FRAS1: variants seen among roughly 807,000 people sequenced by gnomAD.
FRAS1 encodes Fraser extracellular matrix complex subunit 1, also known as extracellular matrix organizing protein FRAS1.
In FRAS1, 290 loss-of-function variants were observed where a neutral mutation model predicts 435.2. The observed-to-expected ratio is 0.67, with a 90% CI of 0.61 to 0.73. The LOEUF is 0.73. Ranked by LOEUF, FRAS1 falls within the 30% of genes least tolerant of loss-of-function variation. The pLI, the probability that FRAS1 is intolerant of heterozygous loss-of-function variation, is 0.00. For missense variants in FRAS1, 4,860 were observed against 5,001.5 expected (o/e 0.97, Z 0.85); for synonymous variants, 1,800 against 1,851.0 (o/e 0.97, Z 0.71).
In FRAS1 at chr4:78,440,773, C is replaced by T. The variant is rs375771230; in HGVS notation, c.5530-389C>T. The stretch of plus-strand genomic sequence containing the variant: ...AGGACACAGTCACCCTCACAGTATC[C>T]GCAGGAGAACTGGATCTATCATTCT... On this transcript the variant is annotated intron_variant, in intron 40 of 73. Transcript: ENST00000512123. Among the ~76,000 whole-genome samples, 8 of 152,224 alleles carry T rather than the reference C, an allele frequency of 5.3e-5. No homozygotes were observed. The East Asian group carries it at 1.2e-3, about 22-fold the overall frequency.
intron 15 of FRAS1, among the ~76,000 whole-genome samples, chr4:78,308,519 G>A (rs892261836): frequency 2.0e-5 from 3 of 152,180 alleles, no homozygotes; most frequent in Non-Finnish European, 2.9e-5. Context: ...TCCCACCCAG[G>A]CTTTCCTTTC....
chr4:78,294,882 A>T (rs1315016801), intron 14 of FRAS1, among the ~76,000 whole-genome samples: 1 of 152,238 alleles, frequency 6.6e-6, no homozygotes, highest in Non-Finnish European at 1.5e-5. Flanking sequence ...TCAATAAAAT[A>T]TAAGGTATAA....
intron 9 of FRAS1, among the ~76,000 whole-genome samples, chr4:78,274,540 A>G (rs1292666692): frequency 1.3e-5 from 2 of 152,164 alleles, no homozygotes; most frequent in African/African-American, 4.8e-5. Context: ...GTTTCGAAGA[A>G]CATCTTTATT....
At chr4:78,118,866 G>C (rs1718834300) in intron 2 of FRAS1, among the ~76,000 whole-genome samples, 1 of 152,154 alleles carries the variant, frequency 6.6e-6, no homozygotes, top group Admixed American at 6.5e-5. Context: ...GATGCACCCA[G>C]TACCTCAGTT....
At chr4:78,243,708 A>G (rs1377888005) in intron 3 of FRAS1, among the ~76,000 whole-genome samples, 1 of 152,094 alleles carries the variant, frequency 6.6e-6, no homozygotes, top group Non-Finnish European at 1.5e-5. Context: ...ACACACACAC[A>G]TACATATTAT....
At position 78,120,873 on chromosome 4, in the gene FRAS1, T is replaced by C. The variant is rs534289967; in HGVS notation, c.108+54857T>C. 1.7e-3 allele frequency among the ~76,000 whole-genome samples: 261 copies of C among 152,266 alleles called. 3 individuals are homozygous for C. The highest frequency in any genetic ancestry group is 5.6e-4 in the Non-Finnish European group (38 of 68,020). On this transcript the variant is annotated intron_variant, in intron 2 of 73. Coordinates refer to ENST00000512123, the MANE Select transcript of FRAS1 (RefSeq NM_025074.7). ...TAGGTTTGGACCAAATCTGGAGTAG[T>C]GATACAGGTGGGGGGGATGGAGTTA...
At chr4:78,277,284 C>T (rs1237432592) in intron 9 of FRAS1, among the ~76,000 whole-genome samples, 1 of 152,184 alleles carries the variant, frequency 6.6e-6, no homozygotes, top group Non-Finnish European at 1.5e-5. Context: ...ATGCCTTGCC[C>T]TGCTTCGGCT....
chr4:78,278,853 G>GAA, intron 10 of FRAS1, 109 bp downstream of exon 10: 1 of 704,234 alleles, frequency 1.4e-6, no homozygotes, highest in Non-Finnish European at 2.5e-6. Flanking sequence ...TTCAACAAAT[G>GAA]TTATTGTGCA....
chr4:78,149,061 A>G (rs892080249), intron 2 of FRAS1, among the ~76,000 whole-genome samples: 1 of 152,184 alleles, frequency 6.6e-6, no homozygotes, highest in Non-Finnish European at 1.5e-5. Context: ...ATAAAGCAAC[A>G]GACTTGGAAC....
chr4:78,502,202 C>A (rs954620993), intron 61 of FRAS1, among the ~76,000 whole-genome samples: 1 of 152,252 alleles, frequency 6.6e-6, no homozygotes, highest in Admixed American at 6.5e-5. Flanking sequence ...GCAATGAGGG[C>A]TCTTTTTTGG....
intron 2 of FRAS1, among the ~76,000 whole-genome samples, chr4:78,203,788 G>A (rs372469174): frequency 4.6e-5 from 7 of 152,000 alleles, no homozygotes; most frequent in East Asian, 1.9e-4. Context: ...GGCTGGTCTC[G>A]AACTCCTGAC....
At chr4:78,231,090 G>T (rs779622785) in intron 2 of FRAS1, among the ~76,000 whole-genome samples, 1 of 152,056 alleles carries the variant, frequency 6.6e-6, no homozygotes, top group Non-Finnish European at 1.5e-5. Context: ...GAGTAGCTGG[G>T]ATTACAGGCG....
chr4:78,109,082 G>A (rs1742549238), intron 2 of FRAS1, among the ~76,000 whole-genome samples: 1 of 63,004 alleles, frequency 1.6e-5, no homozygotes, highest in Non-Finnish European at 3.0e-5. Flanking sequence ...ACCAATAACA[G>A]GCTCTGAAAT....
chr4:78,204,333 T>A (rs1405326449), intron 2 of FRAS1, among the ~76,000 whole-genome samples: 2 of 152,188 alleles, frequency 1.3e-5, no homozygotes, highest in African/African-American at 4.8e-5. Flanking sequence ...TAGCTAAACA[T>A]CTGTACAATG....
In FRAS1 at chr4:78,281,408, A is replaced by G. The variant is rs540741094; in HGVS notation, c.1082A>G (p.Asn361Ser). Residue 361 changes from asparagine to serine, a missense_variant, in exon 11 of 74, where the codon AAT (asparagine) becomes AGT (serine). Physicochemically the swap from Asn to Ser is conservative, Grantham distance 46. Coordinates refer to ENST00000512123, the MANE Select transcript of FRAS1 (RefSeq NM_025074.7). ...TCTCTTTGTTCCTAGATGTCATCAA[A>G]TGCTAGTGAAGTTAAACGTATTCCA... ...YEETGEFMSSNASEVKRIPEG... is the reference protein window; with the variant it reads ...YEETGEFMSSSASEVKRIPEG... The G allele has an allele frequency of 4.4e-6, 7 of 1,576,362 alleles. No homozygotes were observed. In the East Asian group the frequency reaches 1.4e-4, roughly 31 times the overall value.
At chr4:78,533,633 C>T (rs1721793074) in intron 70 of FRAS1, among the ~76,000 whole-genome samples, 2 of 152,196 alleles carry the variant, frequency 1.3e-5, no homozygotes, top group South Asian at 4.1e-4. Flanking sequence ...AATAGTGACT[C>T]CAGGGAGAAC....
At chr4:78,102,580 C>T (rs2109921696) in intron 2 of FRAS1, among the ~76,000 whole-genome samples, 1 of 152,230 alleles carries the variant, frequency 6.6e-6, no homozygotes, top group East Asian at 1.9e-4. Context: ...GGTATTTCAA[C>T]TTTTAACTAC....
At chr4:78,336,485 G>T (rs1730174865) in intron 19 of FRAS1, among the ~76,000 whole-genome samples, 1 of 152,200 alleles carries the variant, frequency 6.6e-6, no homozygotes, top group African/African-American at 2.4e-5. Context: ...CAGGTCACTG[G>T]AAATATTCTG....
At chr4:78,468,762 G>T (rs925691247) in intron 50 of FRAS1, among the ~76,000 whole-genome samples, 2 of 152,178 alleles carry the variant, frequency 1.3e-5, no homozygotes, top group African/African-American at 2.4e-5. Context: ...GGGCCTGGGG[G>T]CACCCCTACA....
Sources: allele counts gnomAD v4.1 joint callset (sites outside exome capture counted in the v4.1 genomes callset), GRCh38; gene constraint gnomAD v4.1.1; transcripts MANE v1.5; gene names NCBI Gene and HGNC (gene_info 2026-07-23, HGNC 2026-07-21).